Variants in MTBP observed in about 807,000 individuals in gnomAD.
The protein encoded by MTBP is mdm2-binding protein.
MTBP carries 101 observed loss-of-function variants against 117.0 expected under a neutral mutation model. The ratio of observed to expected loss-of-function variants is 0.86; its 90% CI spans 0.73 to 1.02. The LOEUF is 1.02. Ranked by LOEUF, MTBP falls within the 50% of genes least tolerant of loss-of-function variation. The pLI, the probability that MTBP is intolerant of heterozygous loss-of-function variation, is 0.00. For synonymous variants in MTBP, 350 were observed against 351.5 expected, an observed-to-expected ratio of 1.00 and a Z score of 0.05; for missense variants, 970 against 1,030.9, an observed-to-expected ratio of 0.94 and a Z score of 0.81.
At chr8:120,508,755 C>A (rs1814741758) in intron 16 of MTBP, among the ~76,000 whole-genome samples, 1 of 152,160 alleles carries the variant, frequency 6.6e-6, no homozygotes, top group African/African-American at 2.4e-5. Flanking sequence ...ACTCAAGCCC[C>A]TGGTATTTCA....
At chr8:120,455,405 A>G in intron 5 of MTBP, 30 bp from the exon 6 acceptor site, 1 of 1,505,726 alleles carries the variant, frequency 6.6e-7, no homozygotes, top group Non-Finnish European at 9.0e-7. Flanking sequence ...ACTTTTTAAA[A>G]ATTACAAAAA....
At chr8:120,460,531 C>T (rs1017509783) in intron 8 of MTBP, among the ~76,000 whole-genome samples, 13 of 152,108 alleles carry the variant, frequency 8.5e-5, no homozygotes, top group South Asian at 8.3e-4. Flanking sequence ...CACCGTGGCT[C>T]CAACTACTGA....
At chr8:120,451,420 C>T (rs534099877) in intron 4 of MTBP, 98 bp downstream of exon 4, 1 of 1,052,496 alleles carries the variant, frequency 9.5e-7, no homozygotes, top group South Asian at 1.7e-5. Context: ...AGCATCTTTA[C>T]TGAAGAAACT....
intron 2 of MTBP, among the ~76,000 whole-genome samples, 175 bp downstream of exon 2, chr8:120,446,688 G>A (rs1813234874): frequency 6.6e-6 from 1 of 151,908 alleles, no homozygotes; most frequent in Non-Finnish European, 1.5e-5. Context: ...CTTTCTTCTA[G>A]ATGCTTGAAT....
At chr8:120,466,728 G>A (rs534245698) in intron 10 of MTBP, among the ~76,000 whole-genome samples, 1 of 151,898 alleles carries the variant, frequency 6.6e-6, no homozygotes, top group Admixed American at 6.6e-5. Context: ...CAAAAAATTA[G>A]CCGGGCAAGG....
At chr8:120,461,310 T>A in intron 9 of MTBP, 55 bp downstream of exon 9, 1 of 1,244,576 alleles carries the variant, frequency 8.0e-7, no homozygotes, top group South Asian at 1.2e-5. Flanking sequence ...TCAGGTAGAA[T>A]GTTCTGGTAT....
Position 120,497,491 on chromosome 8 carries a change from G to A in MTBP, c.1546G>A (p.Ala516Thr). The change falls in exon 14 of 22, where the codon GCT (alanine) becomes ACT (threonine). Residue 516 changes from alanine to threonine, a missense_variant. By Grantham distance (58) the Ala-to-Thr change is moderately conservative. Coordinates refer to ENST00000305949, the MANE Select transcript of MTBP (RefSeq NM_022045.5). ...GAAACACTTTTTAGATTATTTTGATGCTGTGATTCCTAAAATGATTCTAAG... is the reference window on the plus strand; with the variant it reads ...GAAACACTTTTTAGATTATTTTGATACTGTGATTCCTAAAATGATTCTAAG... ...TRKHFLDYFD[A>T]VIPKMILRKM... The A allele has an allele frequency of 5.0e-6, 8 of 1,588,726 alleles. No homozygotes were observed. Among genetic ancestry groups the A allele is most frequent in the Non-Finnish European group, 6.9e-6 (8 of 1,159,872 alleles).
chr8:120,461,332 T>C lies in MTBP; in HGVS notation c.977+77T>C, dbSNP rs1381091404. On this transcript the variant is annotated intron_variant, in intron 9 of 21. Transcript: ENST00000305949. ...GAATGTTCTGGTATTGTCAGGTAAA[T>C]ATACATGTTAGGTATATCTTTTTCA... 4.0e-6 allele frequency: 4 copies of C among 998,934 alleles called. No homozygotes were observed. In the African/African-American group the frequency reaches 4.9e-5, roughly 12 times the overall value. The allele number at this position is 998,934 out of a possible 1,614,324, so 61.9% of individuals were successfully genotyped here.
intron 9 of MTBP, 74 bp downstream of exon 9, chr8:120,461,329 A>G: frequency 9.7e-7 from 1 of 1,029,086 alleles, no homozygotes; most frequent in African/African-American, 1.6e-5. Context: ...ATTGTCAGGT[A>G]AATATACATG....
In MTBP at chr8:120,459,202, G is replaced by C; in HGVS notation, c.748-13G>C. 1.2e-6 allele frequency: 2 copies of C among 1,600,152 alleles called. No individual in the cohort carries two copies. The highest frequency in any genetic ancestry group is 1.7e-6 in the Non-Finnish European group (2 of 1,171,412). On this transcript the variant is annotated splice_polypyrimidine_tract_variant and intron_variant, in intron 7 of 21. Transcript: ENST00000305949. ...ATGATACTTGTAACTGTGTTTTCTT[G>C]GTCTCTTTTCAGTTTGGATTTGAAA...
intron 13 of MTBP, among the ~76,000 whole-genome samples, chr8:120,493,020 G>A (rs1814378703): frequency 6.6e-6 from 1 of 152,130 alleles, no homozygotes; most frequent in African/African-American, 2.4e-5. Context: ...GAAAACAGCA[G>A]TATTATCATT....
Position 120,522,538 on chromosome 8 carries a change from A to G in MTBP, c.2611-116A>G, listed in dbSNP as rs1815022747. The G allele has an allele frequency of 1.3e-5, 9 of 690,940 alleles. No individual in the cohort carries two copies. In the South Asian group the frequency reaches 2.0e-4, roughly 16 times the overall value. The allele number at this position is 690,940 out of a possible 1,614,324, so 42.8% of individuals were successfully genotyped here. A position where few individuals can be genotyped will look rare whatever the true frequency, so the allele number is the denominator to read the frequency against. The stretch of plus-strand genomic sequence containing the variant: ...TTTTTGTTGTTGTAGTCTGTCCCTA[A>G]TCACATTAATACGTGTAGAATGATT... On this transcript the variant is annotated intron_variant, in intron 20 of 21. Transcript: ENST00000305949.
chr8:120,466,593 C>T (rs1586945495), intron 10 of MTBP, among the ~76,000 whole-genome samples: 1 of 151,210 alleles, frequency 6.6e-6, no homozygotes, highest in East Asian at 2.0e-4. Context: ...TGGGTTTCAG[C>T]TGGGCGCGGT....
chr8:120,454,085 A>G (rs1813419167), intron 5 of MTBP, among the ~76,000 whole-genome samples, 180 bp downstream of exon 5: 1 of 152,166 alleles, frequency 6.6e-6, no homozygotes, highest in African/African-American at 2.4e-5. Context: ...ACCGAGATGT[A>G]GCAGTTCTTT....
chr8:120,457,682 T>C (rs1813497885), intron 7 of MTBP, among the ~76,000 whole-genome samples: 1 of 152,188 alleles, frequency 6.6e-6, no homozygotes, highest in Non-Finnish European at 1.5e-5. Context: ...CTCAGCACTT[T>C]GGGAGGCCAA....
At chr8:120,478,264 G>A (rs1228749624) in intron 11 of MTBP, among the ~76,000 whole-genome samples, 1 of 152,100 alleles carries the variant, frequency 6.6e-6, no homozygotes, top group African/African-American at 2.4e-5. Context: ...GGTATGGGGG[G>A]CTAGGGGAGG....
intron 20 of MTBP, 73 bp downstream of exon 20, chr8:120,518,890 T>C: frequency 1.9e-6 from 2 of 1,055,694 alleles, no homozygotes; most frequent in East Asian, 2.5e-5. Context: ...AAAAAAAAGT[T>C]TGAGTATTTT....
At chr8:120,496,914 A>T (rs922105508) in intron 13 of MTBP, among the ~76,000 whole-genome samples, 1 of 152,124 alleles carries the variant, frequency 6.6e-6, no homozygotes, top group Non-Finnish European at 1.5e-5. Flanking sequence ...AGACTCCGTT[A>T]CCACTCGGTC....
intron 10 of MTBP, among the ~76,000 whole-genome samples, chr8:120,466,209 C>T: frequency 9.5e-6 from 1 of 104,894 alleles, no homozygotes; most frequent in East Asian, 3.3e-4. Flanking sequence ...TTGTTTTTTA[C>T]TCTTTTTTTT....
Sources: gnomAD v4.1 joint callset for allele counts (sites outside exome capture counted in the v4.1 genomes callset) on GRCh38, gnomAD v4.1.1 for gene constraint, MANE v1.5 for transcripts, NCBI Gene and HGNC (gene_info 2026-07-23, HGNC 2026-07-21) for gene names.